C10orf67: variants seen among roughly 807,000 people sequenced by gnomAD.
C10orf67 encodes the protein uncharacterized protein C10orf67, mitochondrial.
Under a neutral mutation model 35.6 loss-of-function variants are expected in C10orf67, and 60 were observed. That is an observed-to-expected ratio of 1.68 (90% CI 1.37 to 2.09). C10orf67 has a LOEUF of 2.09. C10orf67 is among the 30% of genes most tolerant of loss of function. The probability of loss-of-function intolerance (pLI) is 0.00; values close to 1 mark genes in which losing one functional copy is unlikely to be tolerated. For synonymous variants in C10orf67, 167 were observed against 115.8 expected, an observed-to-expected ratio of 1.44 and a Z score of -2.84; for missense variants, 474 against 330.2, an observed-to-expected ratio of 1.44 and a Z score of -3.38.
At chr10:23,252,927 T>C (rs1047075844) in intron 10 of C10orf67, among the ~76,000 whole-genome samples, 10 of 151,532 alleles carry the variant, frequency 6.6e-5, no homozygotes, top group African/African-American at 9.8e-5. Flanking sequence ...TGGGAGATGA[T>C]TGAATCACGG....
chr10:23,301,454 T>G (rs1462825091), intron 5 of C10orf67, among the ~76,000 whole-genome samples: 1 of 152,184 alleles, frequency 6.6e-6, no homozygotes, highest in Non-Finnish European at 1.5e-5. Context: ...ATTCTAAGGA[T>G]AGGACAGAAT....
intron 1 of C10orf67, among the ~76,000 whole-genome samples, chr10:23,338,566 G>T (rs11013402): frequency 6.6e-6 from 1 of 152,184 alleles, no homozygotes; most frequent in East Asian, 1.9e-4. Flanking sequence ...CCATCATCAC[G>T]GTATTCTCAC....
intron 1 of C10orf67, among the ~76,000 whole-genome samples, chr10:23,337,565 T>C (rs193013872): frequency 5.9e-5 from 9 of 152,288 alleles, no homozygotes; most frequent in African/African-American, 1.4e-4. Flanking sequence ...GGAGTCATCA[T>C]TGGTGACTAT....
chr10:23,302,169 T>G (rs959503079), intron 5 of C10orf67, among the ~76,000 whole-genome samples: 1 of 151,924 alleles, frequency 6.6e-6, no homozygotes, highest in Non-Finnish European at 1.5e-5. Flanking sequence ...GCCCTCTATG[T>G]GTATTAATCT....
chr10:23,232,101 G>A (rs1438289226), intron 13 of C10orf67, among the ~76,000 whole-genome samples: 1 of 152,140 alleles, frequency 6.6e-6, no homozygotes, highest in Non-Finnish European at 1.5e-5. Flanking sequence ...TAATAATCTA[G>A]CTATGGCCTT....
chr10:23,231,272 T>A (rs577682552), intron 13 of C10orf67, among the ~76,000 whole-genome samples: 1 of 152,228 alleles, frequency 6.6e-6, no homozygotes, highest in Non-Finnish European at 1.5e-5. Context: ...GGATCAGACC[T>A]GTGGGACACA....
chr10:23,320,834 G>T lies in C10orf67; in HGVS notation c.472-19C>A, dbSNP rs1336743234. On this transcript the variant is annotated intron_variant, in intron 3 of 15. Transcript: ENST00000636213. ...CCTCATTCTGCAAACAAAAATAAAT[G>T]CAATAAGCACCATAATGTATTTCCA... is the stretch of plus-strand genomic sequence containing the variant. The T allele has an allele frequency of 1.3e-6, 2 of 1,518,154 alleles. No homozygotes were observed. Among genetic ancestry groups the T allele is most frequent in the Non-Finnish European group, 1.8e-6 (2 of 1,114,474 alleles). The allele number at this position is 1,518,154 out of a possible 1,614,324, so 94.0% of individuals were successfully genotyped here.
At chr10:23,244,477 A>T (rs1469157695) in intron 12 of C10orf67, among the ~76,000 whole-genome samples, 3 of 152,306 alleles carry the variant, frequency 2.0e-5, no homozygotes, top group African/African-American at 7.2e-5. Context: ...CTCTATCAAA[A>T]AACCAGCAGA....
intron 1 of C10orf67, among the ~76,000 whole-genome samples, chr10:23,343,613 C>T (rs1450396598): frequency 6.6e-6 from 1 of 152,174 alleles, no homozygotes; most frequent in Non-Finnish European, 1.5e-5. Flanking sequence ...TTATTTCCCG[C>T]TGAGAAAACT....
At chr10:23,260,868 A>C (rs1842729489) in intron 10 of C10orf67, among the ~76,000 whole-genome samples, 1 of 152,214 alleles carries the variant, frequency 6.6e-6, no homozygotes, top group Admixed American at 6.5e-5. Context: ...CTAAACCTTC[A>C]TATTGAAATC....
intron 1 of C10orf67, among the ~76,000 whole-genome samples, chr10:23,340,349 CAAAAAA>C (rs34098221): frequency 8.4e-6 from 1 of 118,610 alleles, no homozygotes; most frequent in African/African-American, 3.3e-5. Context: ...TACAAAAATA[CAAAAAA>C]AAAAAAAAAA....
At chr10:23,209,724 G>A (rs1297073386) in intron 15 of C10orf67, among the ~76,000 whole-genome samples, 1 of 152,122 alleles carries the variant, frequency 6.6e-6, no homozygotes, top group African/African-American at 2.4e-5. Context: ...AAGGGGCCAG[G>A]TGCAGTGGCT....
chr10:23,210,021 A>AG (rs1363330877), intron 15 of C10orf67, among the ~76,000 whole-genome samples: 1 of 150,712 alleles, frequency 6.6e-6, no homozygotes, highest in Non-Finnish European at 1.5e-5. Context: ...AAAAAAAAAA[A>AG]AGGAATTAAG....
chr10:23,255,685 C>A (rs1842580614), intron 10 of C10orf67, among the ~76,000 whole-genome samples: 1 of 151,924 alleles, frequency 6.6e-6, no homozygotes, highest in Middle Eastern at 3.2e-3. Flanking sequence ...TATGATGAAG[C>A]CATTGTTTAT....
At chr10:23,236,181 G>GAA (rs1842043006) in intron 13 of C10orf67, among the ~76,000 whole-genome samples, 1 of 150,106 alleles carries the variant, frequency 6.7e-6, no homozygotes, top group Non-Finnish European at 1.5e-5. Flanking sequence ...CCCGGGAGGC[G>GAA]GAGCTTGCAG....
chr10:23,313,586 T>C (rs1294840985), intron 4 of C10orf67, among the ~76,000 whole-genome samples: 1 of 152,164 alleles, frequency 6.6e-6, no homozygotes, highest in Non-Finnish European at 1.5e-5. Flanking sequence ...CAGATCAATA[T>C]GTACTGGGTA....
intron 5 of C10orf67, among the ~76,000 whole-genome samples, chr10:23,300,169 C>T (rs1844024948): frequency 2.6e-5 from 4 of 152,044 alleles, no homozygotes; most frequent in South Asian, 4.1e-4. Flanking sequence ...GATCTTTGTC[C>T]CCTGGGGCAG....
chr10:23,259,727 A>C (rs749979576), intron 10 of C10orf67, among the ~76,000 whole-genome samples: 6 of 152,202 alleles, frequency 3.9e-5, no homozygotes, highest in Non-Finnish European at 8.8e-5. Flanking sequence ...GTAAAAAAGA[A>C]TCAAATGGAA....
chr10:23,238,076 T>A (rs1023495292), intron 13 of C10orf67, among the ~76,000 whole-genome samples: 1 of 152,228 alleles, frequency 6.6e-6, no homozygotes, highest in Non-Finnish European at 1.5e-5. Flanking sequence ...AAATAGTTTA[T>A]AAGATGGACC....
Sources: allele counts gnomAD v4.1 joint callset (sites outside exome capture counted in the v4.1 genomes callset), GRCh38; gene constraint gnomAD v4.1.1; transcripts MANE v1.5; gene names NCBI Gene and HGNC (gene_info 2026-07-23, HGNC 2026-07-21).